The following JARID2 variants were observed in gnomAD, a reference collection of about 807,000 sequenced individuals.
JARID2 encodes jumonji and AT-rich interaction domain containing 2, also known as protein Jumonji.
A neutral mutation model predicts 125.6 loss-of-function variants in JARID2; 21 were observed. That is an observed-to-expected ratio of 0.17 (90% CI 0.12 to 0.24). The LOEUF is 0.24. Among genes scored for constraint, JARID2 ranks in the 10% least tolerant of loss-of-function variants. The pLI is 1.00. For synonymous variants in JARID2, 736 were observed against 661.6 expected (o/e 1.11, Z -1.73); for missense variants, 1,303 against 1,639.6 (o/e 0.79, Z 3.55).
intron 8 of JARID2, among the ~76,000 whole-genome samples, chr6:15,504,131 C>T (rs552310167): frequency 6.2e-5 from 9 of 145,324 alleles, no homozygotes; most frequent in Non-Finnish European, 1.4e-4. Flanking sequence ...TCCGCTGGCC[C>T]GCAGCAGCCT....
At chr6:15,330,989 C>G (rs929196232) in intron 1 of JARID2, among the ~76,000 whole-genome samples, 2 of 152,154 alleles carry the variant, frequency 1.3e-5, no homozygotes, top group African/African-American at 4.8e-5. Flanking sequence ...GGACATCTCA[C>G]TAGACTTCAT....
chr6:15,443,467 T>C (rs1209784575), intron 3 of JARID2, among the ~76,000 whole-genome samples: 1 of 152,178 alleles, frequency 6.6e-6, no homozygotes, highest in Non-Finnish European at 1.5e-5. Flanking sequence ...TATATATGAA[T>C]GAATTTTTCA....
chr6:15,447,908 C>T (rs1406238327), intron 3 of JARID2, among the ~76,000 whole-genome samples: 1 of 152,192 alleles, frequency 6.6e-6, no homozygotes. Flanking sequence ...CACTTTCTTC[C>T]ATTTTCCTAT....
intron 4 of JARID2, among the ~76,000 whole-genome samples, chr6:15,453,707 A>T (rs1334458801): frequency 6.6e-6 from 1 of 152,200 alleles, no homozygotes; most frequent in Admixed American, 6.5e-5. Context: ...TCTGATGTTC[A>T]GATTGTCCCA....
chr6:15,307,639 T>C (rs1246474016), intron 1 of JARID2, among the ~76,000 whole-genome samples: 2 of 152,224 alleles, frequency 1.3e-5, no homozygotes, highest in Non-Finnish European at 2.9e-5. Context: ...TGCCTCATTT[T>C]TGGTATTTTT....
Position 15,323,954 on chromosome 6 carries a change from G to A in JARID2, c.46-50163G>A, listed in dbSNP as rs994986282. Reference sequence around the variant, plus strand: ...TCCCAGCATTTTGGGAGGCTGAGGCGGGCGGATCACAAGGTCAGCAGATCG... The same window carrying A: ...TCCCAGCATTTTGGGAGGCTGAGGCAGGCGGATCACAAGGTCAGCAGATCG... On this transcript the variant is annotated intron_variant, in intron 1 of 17. Coordinates refer to ENST00000341776, the MANE Select transcript of JARID2 (RefSeq NM_004973.4). Among the ~76,000 whole-genome samples the A allele has an allele frequency of 4.0e-5, 6 of 151,650 alleles. No homozygotes were observed. In the East Asian group the frequency reaches 5.9e-4, roughly 15 times the overall value.
intron 1 of JARID2, among the ~76,000 whole-genome samples, chr6:15,342,106 G>A (rs1337570916): frequency 3.9e-5 from 6 of 151,902 alleles, no homozygotes; most frequent in Admixed American, 1.3e-4. Context: ...GTAAAACATC[G>A]AGAAACAAAA....
At chr6:15,390,421 G>A (rs1055502913) in intron 2 of JARID2, among the ~76,000 whole-genome samples, 1 of 152,168 alleles carries the variant, frequency 6.6e-6, no homozygotes, top group African/African-American at 2.4e-5. Flanking sequence ...CTCTGTCCAC[G>A]TTGTGCAGCC....
At chr6:15,271,684 C>T (rs779525892) in intron 1 of JARID2, among the ~76,000 whole-genome samples, 3 of 152,090 alleles carry the variant, frequency 2.0e-5, no homozygotes, top group Admixed American at 1.3e-4. Context: ...AGACACTCTC[C>T]TACAGTATAA....
At chr6:15,335,218 G>C (rs1031809799) in intron 1 of JARID2, among the ~76,000 whole-genome samples, 28 of 152,118 alleles carry the variant, frequency 1.8e-4, no homozygotes, top group African/African-American at 6.3e-4. Context: ...TCATGCCTCA[G>C]CCTCCCAAGT....
At position 15,374,094 on chromosome 6, in the gene JARID2, T is replaced by C. The variant is rs759196459; in HGVS notation, c.46-23T>C. The C allele has an allele frequency of 5.0e-6, 8 of 1,609,810 alleles. No individual in the cohort carries two copies. In the Admixed American group the frequency reaches 5.1e-5, roughly 10 times the overall value. ...GCCTTGCTTTCTATTCAGTAACTCC[T>C]CTCTTTTCTTATGTTTCTTCAGGAT... On this transcript the variant is annotated intron_variant, in intron 1 of 17. Transcript: ENST00000341776.
intron 1 of JARID2, among the ~76,000 whole-genome samples, chr6:15,276,328 A>T (rs1363783258): frequency 6.6e-6 from 1 of 152,258 alleles, no homozygotes; most frequent in Non-Finnish European, 1.5e-5. Context: ...TAAGCATTCT[A>T]CATGGCGTGG....
chr6:15,283,224 C>T (rs1374407590), intron 1 of JARID2, among the ~76,000 whole-genome samples: 2 of 150,876 alleles, frequency 1.3e-5, no homozygotes, highest in Admixed American at 6.6e-5. Flanking sequence ...GTGATCTGCC[C>T]ACCTTGGCCT....
At chr6:15,313,495 G>T (rs1390363783) in intron 1 of JARID2, among the ~76,000 whole-genome samples, 1 of 152,158 alleles carries the variant, frequency 6.6e-6, no homozygotes, top group Non-Finnish European at 1.5e-5. Context: ...TTTGAAGAGT[G>T]CCAGCTTTTC....
At position 15,512,280 on chromosome 6, in the gene JARID2, G is replaced by T; in HGVS notation, c.3025G>T (p.Val1009Phe). Residue 1009 changes from valine to phenylalanine, a missense_variant, in exon 14 of 18, where the codon GTC (valine) becomes TTC (phenylalanine). Coordinates refer to ENST00000341776, the MANE Select transcript of JARID2 (RefSeq NM_004973.4). ...CGTGCAGCAGAGTGGCCAGTTTGTC[G>T]TCTGCTTCCCGGGATCCTTTGTGTC... ...RTVQQSGQFV[V>F]CFPGSFVSKV... 6.2e-7 allele frequency: 1 copy of T among 1,614,164 alleles called. No individual in the cohort carries two copies. Among genetic ancestry groups the T allele is most frequent in the Non-Finnish European group, 8.5e-7 (1 of 1,180,024 alleles).
intron 16 of JARID2, among the ~76,000 whole-genome samples, chr6:15,515,877 T>C (rs1423025077): frequency 6.7e-6 from 1 of 150,168 alleles, no homozygotes; most frequent in Admixed American, 6.7e-5. Context: ...CTACTAAAAA[T>C]AGAAAAAATT....
chr6:15,410,076 C>A, intron 2 of JARID2, 148 bp from the exon 3 acceptor site: 2 of 629,612 alleles, frequency 3.2e-6, no homozygotes, highest in Non-Finnish European at 5.1e-6. Flanking sequence ...TGCTTTTCTC[C>A]ACCCATTCAA....
intron 2 of JARID2, among the ~76,000 whole-genome samples, chr6:15,388,724 T>TC (rs1429725724): frequency 1.3e-5 from 2 of 152,062 alleles, no homozygotes; most frequent in East Asian, 3.9e-4. Flanking sequence ...GCCATTGACA[T>TC]CCAAGGAGAG....
In JARID2 at chr6:15,475,559, A is replaced by G. The variant is rs79421126; in HGVS notation, c.670+6841A>G. 6.0e-3 allele frequency among the ~76,000 whole-genome samples: 907 copies of G among 152,334 alleles called. 16 individuals carry two copies. The highest frequency in any genetic ancestry group is 0.02 in the African/African-American group (832 of 41,572). On this transcript the variant is annotated intron_variant, in intron 5 of 17. Transcript: ENST00000341776. The stretch of plus-strand genomic sequence containing the variant: ...AAACCCACTAGCCCCACATTGTGCC[A>G]TGAGACAAGGCACCTGAGCCAGGCC...
Sources: allele counts gnomAD v4.1 joint callset (sites outside exome capture counted in the v4.1 genomes callset), GRCh38; gene constraint gnomAD v4.1.1; transcripts MANE v1.5; gene names NCBI Gene and HGNC (gene_info 2026-07-23, HGNC 2026-07-21).